CSMD1: variants seen among roughly 807,000 people sequenced by gnomAD.
CSMD1 encodes CUB and Sushi multiple domains 1, also known as CUB and sushi domain-containing protein 1.
CSMD1 carries 213 observed loss-of-function variants against 417.5 expected under a neutral mutation model. That is an observed-to-expected ratio of 0.51 (90% confidence interval 0.46 to 0.57). CSMD1 has a LOEUF of 0.57. CSMD1 is among the 20% of genes least tolerant of loss of function. The pLI is 0.00. For missense variants in CSMD1, 6,923 were observed against 4,529.7 expected (o/e 1.53, Z -15.17); for synonymous variants, 2,862 against 1,736.8 (o/e 1.65, Z -16.11).
At chr8:4,642,927 T>C (rs1010296416) in intron 1 of CSMD1, among the ~76,000 whole-genome samples, 1 of 152,166 alleles carries the variant, frequency 6.6e-6, no homozygotes, top group Non-Finnish European at 1.5e-5. Flanking sequence ...GAAATGATAC[T>C]CTGTAGCAAA....
At position 3,169,436 on chromosome 8, in the gene CSMD1, T is replaced by A. The variant is rs545786059; in HGVS notation, c.5726-7159A>T. 1.4e-4 allele frequency among the ~76,000 whole-genome samples: 21 copies of A among 152,216 alleles called. 1 individual carries two copies. In the South Asian group the frequency reaches 4.4e-3, roughly 32 times the overall value. On this transcript the variant is annotated intron_variant, in intron 37 of 69. Transcript: ENST00000635120. ...AGTATCAAAAAAAAGACAAATATTG[T>A]ATGATTCCACTCATATAAACTATCT...
chr8:3,698,673 G>A (rs938099989), intron 7 of CSMD1, among the ~76,000 whole-genome samples: 10 of 152,134 alleles, frequency 6.6e-5, no homozygotes, highest in East Asian at 1.9e-4. Flanking sequence ...CTAGTAACAC[G>A]CCTGGTATTC....
At chr8:3,660,301 G>T (rs1423871069) in intron 7 of CSMD1, among the ~76,000 whole-genome samples, 4 of 151,980 alleles carry the variant, frequency 2.6e-5, no homozygotes, top group East Asian at 3.9e-4. Context: ...CTGTGAAGCG[G>T]GATGGTAACT....
At chr8:3,443,488 ACATATGTGTGCGTCTGT>A (rs1815119803) in intron 12 of CSMD1, among the ~76,000 whole-genome samples, 1 of 152,242 alleles carries the variant, frequency 6.6e-6, no homozygotes, top group Non-Finnish European at 1.5e-5. Flanking sequence ...AGAGATATCT[ACATATGTGTGCGTCTGT>A]TTCTTAAAAG....
chr8:3,247,597 T>C (rs1319702776), intron 26 of CSMD1, among the ~76,000 whole-genome samples: 1 of 152,164 alleles, frequency 6.6e-6, no homozygotes, highest in Non-Finnish European at 1.5e-5. Context: ...CTCCCTTCCC[T>C]GTGGGGAGAA....
intron 26 of CSMD1, among the ~76,000 whole-genome samples, chr8:3,250,215 C>G (rs1222121700): frequency 6.6e-6 from 1 of 152,178 alleles, no homozygotes; most frequent in Admixed American, 6.5e-5. Context: ...CTGATCCCCC[C>G]ACCCCACAAC....
At position 4,395,153 on chromosome 8, in the gene CSMD1, T is replaced by A. The variant is rs754966160; in HGVS notation, c.415+24800A>T. Among the ~76,000 whole-genome samples, 96 of 152,176 alleles carry A rather than the reference T, an allele frequency of 6.3e-4. 1 individual carries two copies. Among genetic ancestry groups the A allele is most frequent in the Admixed American group, 5.2e-4 (8 of 15,272 alleles). ...GAAGCCCTTTGTCCCTGCTGTCCTC[T>A]GACACTCCCTTAGAACAACCCCTCC... is the stretch of plus-strand genomic sequence containing the variant. On this transcript the variant is annotated intron_variant, in intron 3 of 69. Transcript: ENST00000635120.
intron 49 of CSMD1, among the ~76,000 whole-genome samples, chr8:3,083,591 G>C (rs2129004201): frequency 8.6e-6 from 1 of 116,212 alleles, no homozygotes; most frequent in Non-Finnish European, 1.7e-5. Context: ...TCCATCCACG[G>C]TGACAGTTAC....
intron 10 of CSMD1, among the ~76,000 whole-genome samples, chr8:3,522,329 G>C (rs558867381): frequency 1.3e-5 from 2 of 152,144 alleles, no homozygotes; most frequent in Non-Finnish European, 2.9e-5. Context: ...AAATTGTAAA[G>C]GATATCTTTT....
At chr8:3,838,086 G>A (rs185248431) in intron 5 of CSMD1, among the ~76,000 whole-genome samples, 3 of 152,206 alleles carry the variant, frequency 2.0e-5, no homozygotes, top group South Asian at 2.1e-4. Flanking sequence ...TGGGAAAGCT[G>A]TAGCAGAAAC....
In CSMD1 at chr8:3,087,163, T is replaced by G. The variant is rs1275206510; in HGVS notation, c.7408A>C (p.Asn2470His). The stretch of plus-strand genomic sequence containing the variant: ...AGTGGGTTTCGTCTACAGGTTGCAT[T>G]GCTGTGGCCGACCATTCGGTATCCA... The part of the protein sequence containing the change: ...KPGYRMVGHS[N>H]ATCRRNPLGM... Residue 2470 changes from asparagine to histidine, a missense_variant, in exon 49 of 70, where the codon AAT (asparagine) becomes CAT (histidine). By Grantham distance (68) the Asn-to-His change is moderately conservative. Coordinates refer to ENST00000635120, the MANE Select transcript of CSMD1 (RefSeq NM_033225.6). 1.2e-6 allele frequency: 2 copies of G among 1,613,936 alleles called. No individual in the cohort carries two copies. Among genetic ancestry groups the G allele is most frequent in the Non-Finnish European group, 1.7e-6 (2 of 1,179,908 alleles).
chr8:3,751,981 G>A (rs988469318), intron 6 of CSMD1, among the ~76,000 whole-genome samples: 7 of 152,108 alleles, frequency 4.6e-5, no homozygotes, highest in African/African-American at 1.4e-4. Context: ...ATCTGGTACG[G>A]GATGGACATA....
chr8:4,036,066 G>C (rs1370133835), intron 3 of CSMD1, among the ~76,000 whole-genome samples: 2 of 152,144 alleles, frequency 1.3e-5, no homozygotes. Context: ...GTTGCCTACA[G>C]TATTCAGTTC....
At chr8:3,420,799 G>C (rs551360524) in intron 12 of CSMD1, among the ~76,000 whole-genome samples, 2 of 152,168 alleles carry the variant, frequency 1.3e-5, no homozygotes, top group African/African-American at 4.8e-5. Context: ...TCTGCGCATG[G>C]ATTGAAAACA....
At chr8:4,400,144 A>C (rs1330694377) in intron 3 of CSMD1, among the ~76,000 whole-genome samples, 1 of 152,212 alleles carries the variant, frequency 6.6e-6, no homozygotes, top group Non-Finnish European at 1.5e-5. Flanking sequence ...TATTTGGGAA[A>C]ATATAGCTGT....
intron 7 of CSMD1, among the ~76,000 whole-genome samples, chr8:3,649,642 G>A (rs183943038): frequency 2.0e-5 from 3 of 152,110 alleles, no homozygotes; most frequent in Non-Finnish European, 2.9e-5. Flanking sequence ...ACAGCACGGA[G>A]AAACCACCCC....
At chr8:4,547,144 C>G (rs1323626348) in intron 2 of CSMD1, among the ~76,000 whole-genome samples, 5 of 152,178 alleles carry the variant, frequency 3.3e-5, no homozygotes, top group Non-Finnish European at 5.9e-5. Context: ...ATTATTTCAT[C>G]AGACCTGCTG....
intron 3 of CSMD1, among the ~76,000 whole-genome samples, chr8:4,287,556 C>A (rs2680603): frequency 6.6e-6 from 1 of 151,834 alleles, no homozygotes; most frequent in Non-Finnish European, 1.5e-5. Context: ...ATAACAAAGA[C>A]GGGGGACTAA....
chr8:3,651,720 A>G (rs1797866942), intron 7 of CSMD1, among the ~76,000 whole-genome samples: 1 of 151,902 alleles, frequency 6.6e-6, no homozygotes, highest in South Asian at 2.1e-4. Flanking sequence ...CACAGTGCTT[A>G]CCAGCAACAG....
Sources: allele counts gnomAD v4.1 joint callset (sites outside exome capture counted in the v4.1 genomes callset), GRCh38; gene constraint gnomAD v4.1.1; transcripts MANE v1.5; gene names NCBI Gene and HGNC (gene_info 2026-07-23, HGNC 2026-07-21).